The following UST variants were observed in gnomAD, a reference collection of about 807,000 sequenced individuals.
UST encodes chondroitin sulfate 2-O-sulfotransferase.
A neutral mutation model predicts 45.6 loss-of-function variants in UST; 21 were observed. The ratio of observed to expected loss-of-function variants is 0.46; its 90% CI spans 0.33 to 0.66. UST has a LOEUF of 0.66. Among genes scored for constraint, UST ranks in the 30% least tolerant of loss-of-function variants. The probability of loss-of-function intolerance (pLI) is 0.02; values close to 1 mark genes in which losing one functional copy is unlikely to be tolerated. For missense variants in UST, 463 were observed against 512.4 expected (o/e 0.90, Z 0.93); for synonymous variants, 215 against 200.6 (o/e 1.07, Z -0.61).
chr6:149,038,889 C>T (rs892995888), intron 7 of UST, among the ~76,000 whole-genome samples: 2 of 152,008 alleles, frequency 1.3e-5, no homozygotes, highest in East Asian at 3.8e-4. Context: ...TATAGTGAGG[C>T]GGTTGGAGTT....
intron 7 of UST, among the ~76,000 whole-genome samples, chr6:149,072,862 A>C (rs926899905): frequency 2.0e-5 from 3 of 152,278 alleles, no homozygotes; most frequent in Non-Finnish European, 4.4e-5. Flanking sequence ...TGGGGTAAGG[A>C]AAGGAAAGGA....
intron 7 of UST, among the ~76,000 whole-genome samples, chr6:149,036,287 G>C (rs971771357): frequency 5.9e-5 from 9 of 152,134 alleles, no homozygotes; most frequent in Non-Finnish European, 1.2e-4. Flanking sequence ...CTCTCAGCTG[G>C]GTGAGCTGAC....
At chr6:148,812,582 T>A (rs1377076084) in intron 1 of UST, among the ~76,000 whole-genome samples, 1 of 152,138 alleles carries the variant, frequency 6.6e-6, no homozygotes, top group African/African-American at 2.4e-5. Context: ...GGCTGGAGGA[T>A]CCACTCCCAA....
chr6:148,931,436 T>C (rs1325000476), intron 2 of UST, among the ~76,000 whole-genome samples: 2 of 152,196 alleles, frequency 1.3e-5, no homozygotes, highest in Non-Finnish European at 2.9e-5. Flanking sequence ...AAATTAAGTG[T>C]GTGGGTCTAG....
intron 1 of UST, among the ~76,000 whole-genome samples, chr6:148,854,738 T>A (rs1476515565): frequency 6.6e-6 from 1 of 152,074 alleles, no homozygotes; most frequent in Non-Finnish European, 1.5e-5. Context: ...TGGGGTGAGA[T>A]CATGGTGTAA....
chr6:148,959,181 C>T (rs1780593213), intron 4 of UST: 1 of 152,220 alleles, frequency 6.6e-6, no homozygotes, highest in Non-Finnish European at 1.5e-5. Context: ...AACAGTGTTT[C>T]TTCTATCAAC....
At position 148,872,887 on chromosome 6, in the gene UST, G is replaced by A. The variant is rs191217219; in HGVS notation, c.248-14099G>A. 7.2e-5 allele frequency among the ~76,000 whole-genome samples: 11 copies of A among 152,124 alleles called. 1 individual carries two copies. The East Asian group carries it at 1.9e-3, about 27-fold the overall frequency. On this transcript the variant is annotated intron_variant, in intron 1 of 7. Coordinates refer to ENST00000367463, the MANE Select transcript of UST (RefSeq NM_005715.3). ...AAGGACACTGTGATTACATTGATTC[G>A]TCCCAAGTAATCTAGGATCTTCCAG...
intron 1 of UST, among the ~76,000 whole-genome samples, chr6:148,785,217 G>A (rs1203227050): frequency 1.3e-4 from 20 of 148,430 alleles, no homozygotes; most frequent in African/African-American, 4.2e-4. Context: ...AAAAAAAAAA[G>A]CATACATGCA....
At chr6:148,926,344 A>G (rs1223578096) in intron 2 of UST, among the ~76,000 whole-genome samples, 1 of 152,226 alleles carries the variant, frequency 6.6e-6, no homozygotes, top group Non-Finnish European at 1.5e-5. Context: ...TTAAAAAGAG[A>G]AAGGCCTATA....
chr6:148,837,099 C>T (rs549704998), intron 1 of UST, among the ~76,000 whole-genome samples: 2 of 152,240 alleles, frequency 1.3e-5, no homozygotes, highest in African/African-American at 4.8e-5. Context: ...ATTATCAGTA[C>T]ACCTGATATA....
intron 1 of UST, among the ~76,000 whole-genome samples, chr6:148,873,269 G>A (rs748295393): frequency 1.2e-4 from 19 of 152,268 alleles, no homozygotes; most frequent in Non-Finnish European, 2.2e-4. Context: ...AAAAGGACAC[G>A]TCAGCTAGAA....
chr6:149,032,182 C>T (rs547738214), intron 7 of UST, among the ~76,000 whole-genome samples: 3 of 152,308 alleles, frequency 2.0e-5, no homozygotes, highest in African/African-American at 7.2e-5. Context: ...CGCCAGTGGC[C>T]AAGCCGCTGC....
chr6:148,866,410 C>T (rs1197114388), intron 1 of UST, among the ~76,000 whole-genome samples: 1 of 152,104 alleles, frequency 6.6e-6, no homozygotes, highest in Non-Finnish European at 1.5e-5. Flanking sequence ...CTGTGCTGCC[C>T]CTACCATTGG....
intron 5 of UST, 51 bp from the exon 6 acceptor site, chr6:149,019,088 A>G (rs760811669): frequency 1.5e-5 from 20 of 1,332,272 alleles, no homozygotes; most frequent in Non-Finnish European, 2.1e-5. Flanking sequence ...GGCATTTGAT[A>G]GAGCCTTGCA....
chr6:148,893,598 A>G (rs998687097), intron 2 of UST, among the ~76,000 whole-genome samples: 1 of 152,226 alleles, frequency 6.6e-6, no homozygotes, highest in African/African-American at 2.4e-5. Context: ...AGTGTTTACT[A>G]TGCATCAAAT....
intron 1 of UST, among the ~76,000 whole-genome samples, chr6:148,778,485 G>A (rs1355634823): frequency 6.6e-6 from 1 of 152,200 alleles, no homozygotes; most frequent in Non-Finnish European, 1.5e-5. Flanking sequence ...CACTCCTTGG[G>A]ACTAATTCTA....
intron 1 of UST, among the ~76,000 whole-genome samples, chr6:148,886,065 G>A (rs964949468): frequency 6.6e-6 from 1 of 152,214 alleles, no homozygotes; most frequent in African/African-American, 2.4e-5. Context: ...GTGATCAGAT[G>A]TCTCCAGATG....
chr6:148,792,145 T>G (rs1344029826), intron 1 of UST, among the ~76,000 whole-genome samples: 2 of 152,178 alleles, frequency 1.3e-5, no homozygotes, highest in African/African-American at 4.8e-5. Flanking sequence ...CTTTCCAATC[T>G]TATGGAATTT....
At chr6:148,778,870 AC>A (rs1171781203) in intron 1 of UST, among the ~76,000 whole-genome samples, 1 of 151,808 alleles carries the variant, frequency 6.6e-6, no homozygotes, top group Non-Finnish European at 1.5e-5. Flanking sequence ...ACCAAGGCCC[AC>A]CCCCCTCCAT....
Sources: allele counts gnomAD v4.1 joint callset (sites outside exome capture counted in the v4.1 genomes callset), GRCh38; gene constraint gnomAD v4.1.1; transcripts MANE v1.5; gene names NCBI Gene and HGNC (gene_info 2026-07-23, HGNC 2026-07-21).